The following NELL2 variants were observed in gnomAD, a reference collection of about 807,000 sequenced individuals.
NELL2 encodes protein kinase C-binding protein NELL2.
In NELL2, 41 loss-of-function variants were observed where a neutral mutation model predicts 109.6. That is an observed-to-expected ratio of 0.37 (90% CI 0.29 to 0.49). The LOEUF (loss-of-function observed/expected upper bound fraction) is 0.49. Ranked by LOEUF, NELL2 falls within the 20% of genes least tolerant of loss-of-function variation. NELL2 has a pLI of 0.98. For missense variants in NELL2, 900 were observed against 1,008.3 expected (o/e 0.89, Z 1.45); for synonymous variants, 355 against 344.7 (o/e 1.03, Z -0.33).
At chr12:44,591,160 C>G (rs1239756831) in intron 15 of NELL2, among the ~76,000 whole-genome samples, 1 of 152,134 alleles carries the variant, frequency 6.6e-6, no homozygotes, top group Non-Finnish European at 1.5e-5. Flanking sequence ...AAAAGGAACT[C>G]TAATACACTG....
chr12:44,862,939 C>T (rs1566553105), intron 2 of NELL2, among the ~76,000 whole-genome samples: 1 of 152,156 alleles, frequency 6.6e-6, no homozygotes, highest in Non-Finnish European at 1.5e-5. Context: ...AGTAAAAAAG[C>T]ATATATACAC....
chr12:44,603,875 C>A (rs1945305135), intron 15 of NELL2, among the ~76,000 whole-genome samples: 1 of 152,090 alleles, frequency 6.6e-6, no homozygotes, highest in Non-Finnish European at 1.5e-5. Context: ...CAAGTAAATC[C>A]TATTATTTCA....
chr12:44,805,009 G>A (rs1377705993), intron 3 of NELL2, among the ~76,000 whole-genome samples: 1 of 151,694 alleles, frequency 6.6e-6, no homozygotes, highest in African/African-American at 2.4e-5. Context: ...TAATAGAAAA[G>A]TAAATAACCC....
chr12:44,620,654 C>G (rs2136270849), intron 13 of NELL2, among the ~76,000 whole-genome samples: 1 of 152,158 alleles, frequency 6.6e-6, no homozygotes, highest in Non-Finnish European at 1.5e-5. Context: ...ACCAGGAATC[C>G]AGGAGTCACC....
chr12:44,834,673 C>T (rs144182035), intron 2 of NELL2, among the ~76,000 whole-genome samples: 6 of 152,150 alleles, frequency 3.9e-5, no homozygotes, highest in African/African-American at 9.6e-5. Flanking sequence ...GAAGTGTGAG[C>T]GCTCGGGCCT....
chr12:44,638,611 T>G (rs1275737575), intron 13 of NELL2, among the ~76,000 whole-genome samples: 1 of 152,174 alleles, frequency 6.6e-6, no homozygotes, highest in African/African-American at 2.4e-5. Context: ...ATGGGATGCT[T>G]TGCAGATATC....
intron 9 of NELL2, among the ~76,000 whole-genome samples, chr12:44,731,489 A>T (rs529872791): frequency 1.3e-5 from 2 of 152,278 alleles, no homozygotes; most frequent in East Asian, 3.9e-4. Context: ...ACAAAGTATA[A>T]CATCACATAA....
Position 44,711,360 on chromosome 12 carries a change from C to A in NELL2, c.1121G>T (p.Cys374Phe), listed in dbSNP as rs766175799. Reference sequence around the variant, plus strand: ...AGACTCTGGACAATCCAAAGCTGGACAGCCTGAACTCTCAACAAGTTTCAT... The same window carrying A: ...AGACTCTGGACAATCCAAAGCTGGAAAGCCTGAACTCTCAACAAGTTTCAT... ...QTMKLVESSGCPALDCPESHQ... is the reference protein window; with the variant it reads ...QTMKLVESSGFPALDCPESHQ... The change falls in exon 11 of 20, where the codon TGT becomes TTT. Residue 374 changes from cysteine (C) to phenylalanine (F), a missense_variant. Transcript: ENST00000429094. The A allele has an allele frequency of 6.2e-7, 1 of 1,612,548 alleles. No individual in the cohort carries two copies. The highest frequency in any genetic ancestry group is 2.2e-5 in the East Asian group (1 of 44,850).
chr12:44,811,660 C>G (rs1271261973), intron 3 of NELL2, among the ~76,000 whole-genome samples: 1 of 152,072 alleles, frequency 6.6e-6, no homozygotes, highest in East Asian at 1.9e-4. Flanking sequence ...TTCCTACCTT[C>G]TCCCTCTTTA....
At chr12:44,548,543 TAA>T (rs10718866) in intron 15 of NELL2, among the ~76,000 whole-genome samples, 69 of 139,232 alleles carry the variant, frequency 5.0e-4, no homozygotes, top group East Asian at 1.0e-3. Context: ...AGACTCCGTC[TAA>T]AAAAAAAAAA....
intron 19 of NELL2, among the ~76,000 whole-genome samples, chr12:44,511,976 A>G (rs1592048185): frequency 6.6e-6 from 1 of 152,202 alleles, no homozygotes; most frequent in Non-Finnish European, 1.5e-5. Context: ...ACAAAAATAG[A>G]TAAATGAGAC....
At chr12:44,877,166 G>GAAAT (rs1399902021), upstream of NELL2, 1 of 152,258 alleles carries the variant, frequency 6.6e-6, no homozygotes, top group African/African-American at 2.4e-5. Flanking sequence ...GAGAGAGAGA[G>GAAAT]AAATAAATAA....
intron 1 of NELL2, among the ~76,000 whole-genome samples, chr12:44,907,760 G>A (rs139446885): frequency 2.2e-4 from 34 of 152,122 alleles, no homozygotes; most frequent in African/African-American, 7.9e-4. Context: ...TAAGATGGTG[G>A]GAGATAACCA....
intron 12 of NELL2, among the ~76,000 whole-genome samples, chr12:44,695,331 A>C (rs838973): frequency 0.41 from 61,896 of 151,666 alleles, 13,248 homozygotes; most frequent in Non-Finnish European, 0.48. Context: ...CAATTTTTAA[A>C]GTAGTTAACT....
rs1228037632 is a variant in NELL2, at chr12:44,728,300, A to G, written c.995-13559T>C. On this transcript the variant is annotated intron_variant, in intron 9 of 19. Coordinates refer to ENST00000429094, the MANE Select transcript of NELL2 (RefSeq NM_001145108.2). ...ATATCAATAGACAGTAATTTTTTAA[A>G]ATGACCAAACAGATATTTAGAATGT... is the stretch of plus-strand genomic sequence containing the variant. 2.6e-5 allele frequency among the ~76,000 whole-genome samples: 4 copies of G among 152,080 alleles called. No individual in the cohort carries two copies. In the East Asian group the frequency reaches 7.7e-4, roughly 29 times the overall value.
At chr12:44,747,841 G>C (rs1055680181) in intron 9 of NELL2, among the ~76,000 whole-genome samples, 4 of 152,148 alleles carry the variant, frequency 2.6e-5, no homozygotes, top group African/African-American at 9.7e-5. Flanking sequence ...AATGGGACTT[G>C]TATGAATTTT....
chr12:44,615,696 G>T (rs975016889), intron 13 of NELL2, among the ~76,000 whole-genome samples: 1 of 151,866 alleles, frequency 6.6e-6, no homozygotes, highest in Non-Finnish European at 1.5e-5. Context: ...TCTTTTTGTT[G>T]TATGTGAAGT....
intron 3 of NELL2, among the ~76,000 whole-genome samples, chr12:44,797,258 G>C (rs569531037): frequency 5.5e-4 from 84 of 152,174 alleles, no homozygotes; most frequent in Middle Eastern, 3.4e-3. Context: ...TGGAGAGAAA[G>C]GGTTCAGAGA....
chr12:44,612,102 C>T (rs1592205618), intron 13 of NELL2, among the ~76,000 whole-genome samples: 1 of 152,074 alleles, frequency 6.6e-6, no homozygotes. Context: ...GTATTCCAGA[C>T]ATTATAATGG....
Sources: allele counts gnomAD v4.1 joint callset (sites outside exome capture counted in the v4.1 genomes callset), GRCh38; gene constraint gnomAD v4.1.1; transcripts MANE v1.5; gene names NCBI Gene and HGNC (gene_info 2026-07-23, HGNC 2026-07-21).